ATP1A4: variants seen among roughly 807,000 people sequenced by gnomAD.
The protein encoded by ATP1A4 is sodium/potassium-transporting ATPase subunit alpha-4.
ATP1A4 carries 90 observed loss-of-function variants against 114.3 expected under a neutral mutation model. The ratio of observed to expected loss-of-function variants is 0.79; its 90% CI spans 0.66 to 0.94. ATP1A4 has a LOEUF of 0.94. ATP1A4 is among the 40% of genes least tolerant of loss of function. The pLI is 0.00. For synonymous variants in ATP1A4, 511 were observed against 494.1 expected (o/e 1.03, Z -0.45); for missense variants, 1,222 against 1,313.6 (o/e 0.93, Z 1.08).
At chr1:160,167,117 G>A (rs1042045247) in intron 9 of ATP1A4, 40 bp downstream of exon 9, 1 of 1,597,188 alleles carries the variant, frequency 6.3e-7, no homozygotes, top group Non-Finnish European at 8.6e-7. Context: ...CAGTGTCCAG[G>A]GTGTAACCTG....
At chr1:160,173,063 G>A (rs1249429580) in intron 12 of ATP1A4, among the ~76,000 whole-genome samples, 1 of 152,142 alleles carries the variant, frequency 6.6e-6, no homozygotes, top group African/African-American at 2.4e-5. Flanking sequence ...CGTGGCCTGG[G>A]TATTCATCTT....
chr1:160,171,160 A>AT (rs111647729), intron 10 of ATP1A4, 91 bp from the exon 11 acceptor site: 202,244 of 1,254,978 alleles, frequency 0.16, 17,940 homozygotes, highest in African/African-American at 0.36. Flanking sequence ...TATGAAACAC[A>AT]TTTTTTTACC....
chr1:160,164,235 G>T lies in ATP1A4; in HGVS notation c.858G>T (p.Ala286=), dbSNP rs369914363. Residue 286 remains alanine (A), a synonymous_variant, in exon 7 of 22, where the codon GCG becomes GCT. Coordinates refer to ENST00000368081, the MANE Select transcript of ATP1A4 (RefSeq NM_144699.4). ...TTGCCTCCCTGACGTCAGGCCTGGC[G>T]GTTGGCCAGACACCTATCGCTGCTG... The part of the protein sequence containing the change: ...GRIASLTSGL[A]VGQTPIAAEI... The T allele has an allele frequency of 1.2e-6, 2 of 1,614,196 alleles. No individual in the cohort carries two copies. The highest frequency in any genetic ancestry group is 1.7e-6 in the Non-Finnish European group (2 of 1,180,026).
intron 2 of ATP1A4, among the ~76,000 whole-genome samples, chr1:160,153,617 C>CA (rs1269087040): frequency 6.6e-6 from 1 of 151,998 alleles, no homozygotes; most frequent in Non-Finnish European, 1.5e-5. Flanking sequence ...TTAAAAATAA[C>CA]AAAAATAAAG....
intron 3 of ATP1A4, 141 bp from the exon 4 acceptor site, chr1:160,155,904 C>A: frequency 1.7e-6 from 1 of 596,824 alleles, no homozygotes; most frequent in South Asian, 2.1e-5. Flanking sequence ...ACCTCAGATT[C>A]TTCTCTACCC....
Position 160,156,032 on chromosome 1 carries a change from T to TC in ATP1A4, c.412-9dup. On this transcript the variant is annotated splice_polypyrimidine_tract_variant and intron_variant, in intron 3 of 21. Transcript: ENST00000368081. ...AGGTCCCACTGATAAACGCTTTCTT[T>TC]CCCCACCCTCAGCTCTACCTGAGCA... 6.4e-7 allele frequency: 1 copy of TC among 1,556,982 alleles called. No individual in the cohort carries two copies. The highest frequency in any genetic ancestry group is 8.9e-7 in the Non-Finnish European group (1 of 1,128,112).
At chr1:160,159,359 T>G in intron 5 of ATP1A4, 50 bp from the exon 6 acceptor site, 1 of 1,500,638 alleles carries the variant, frequency 6.7e-7, no homozygotes, top group Non-Finnish European at 9.1e-7. Context: ...TAAATAAATC[T>G]GCCTTTTTTC....
rs758228710 is a variant in ATP1A4, at chr1:160,177,610, C to G, written c.2682C>G (p.Leu894=). Residue 894 remains leucine, a synonymous_variant, in exon 18 of 22, where the codon CTC becomes CTG. Transcript: ENST00000368081. ...FRPVDLLGIR[L]HWEDKYLNDL... ...CTGTTGATCTGCTGGGCATCCGCCT[C>G]CACTGGGAAGATAAATACTTGAATG... is the stretch of plus-strand genomic sequence containing the variant. 15 of 1,614,148 alleles carry G rather than the reference C, an allele frequency of 9.3e-6. No individual in the cohort carries two copies. Among genetic ancestry groups the G allele is most frequent in the Non-Finnish European group, 1.3e-5 (15 of 1,180,034 alleles).
intron 18 of ATP1A4, among the ~76,000 whole-genome samples, chr1:160,178,930 T>C (rs745384462): frequency 2.0e-4 from 31 of 152,356 alleles, no homozygotes; most frequent in African/African-American, 2.4e-4. Flanking sequence ...ACAGCAATTA[T>C]TGCTAGAATT....
chr1:160,151,909 G>C lies in ATP1A4; in HGVS notation c.-132G>C. 1 of 1,004,312 alleles carries C rather than the reference G, an allele frequency of 1.0e-6. No homozygotes were observed. Among genetic ancestry groups the C allele is most frequent in the South Asian group, 2.0e-5 (1 of 50,486 alleles). 62.2% of individuals were successfully genotyped at this position (1,004,312 alleles called of 1,614,324 possible). A position where few individuals can be genotyped will look rare whatever the true frequency, so the allele number is the denominator to read the frequency against. On this transcript the variant is annotated 5_prime_UTR_variant, in exon 1 of 22. Coordinates refer to ENST00000368081, the MANE Select transcript of ATP1A4 (RefSeq NM_144699.4). The stretch of plus-strand genomic sequence containing the variant: ...CCTCCCTCCCTGCCTCTTTCTTTCT[G>C]CTCCCTCATTCTCTCCCCACCACTC...
At chr1:160,175,965 G>A (rs1653447804) in intron 15 of ATP1A4, 127 bp from the exon 16 acceptor site, 7 of 910,128 alleles carry the variant, frequency 7.7e-6, no homozygotes, top group Admixed American at 4.1e-5. Context: ...GACCCTGGAG[G>A]TCTAGGACCT....
rs1432927123 is a variant in ATP1A4, at chr1:160,177,494, T to C, written c.2591-25T>C. 3.1e-6 allele frequency: 5 copies of C among 1,612,496 alleles called. No individual in the cohort carries two copies. The South Asian group carries it at 4.4e-5, about 14-fold the overall frequency. ...GGCCCTTCTCTGAACCAGGCTCCCC[T>C]GTCCTGCAACTCTGTCATTCACAGG... is the stretch of plus-strand genomic sequence containing the variant. On this transcript the variant is annotated intron_variant, in intron 17 of 21. Transcript: ENST00000368081.
chr1:160,178,126 G>T (rs1452156036), intron 18 of ATP1A4, among the ~76,000 whole-genome samples: 1 of 152,098 alleles, frequency 6.6e-6, no homozygotes, highest in African/African-American at 2.4e-5. Context: ...GGAGGCCGAA[G>T]TGGGCGGATC....
At chr1:160,165,977 C>T (rs1014102696) in intron 7 of ATP1A4, among the ~76,000 whole-genome samples, 2 of 151,692 alleles carry the variant, frequency 1.3e-5, no homozygotes, top group South Asian at 4.2e-4. Flanking sequence ...TAAAGAAATA[C>T]ACTCTTTTTT....
intron 20 of ATP1A4, chr1:160,183,304 C>G (rs1297612100): frequency 6.6e-6 from 1 of 152,164 alleles, no homozygotes; most frequent in South Asian, 2.1e-4. Flanking sequence ...ATGGTAGATG[C>G]CTTGTTACTA....
In ATP1A4 at chr1:160,181,780, A is replaced by G. The variant is rs1273049883; in HGVS notation, c.2833A>G (p.Thr945Ala). The G allele has an allele frequency of 6.2e-7, 1 of 1,613,336 alleles. No individual in the cohort carries two copies. The highest frequency in any genetic ancestry group is 1.1e-5 in the South Asian group (1 of 91,014). ...VQWADLIISKTRRNSLFQQGM... is the reference protein window; with the variant it reads ...VQWADLIISKARRNSLFQQGM... The stretch of plus-strand genomic sequence containing the variant: ...GTGGGCGGATCTCATCATCTCCAAG[A>G]CTCGCCGCAACTCACTTTTCCAGCA... Residue 945 changes from threonine (T) to alanine (A), a missense_variant, in exon 19 of 22, where the codon ACT (threonine) becomes GCT (alanine). By Grantham distance (58) the Thr-to-Ala change is moderately conservative. Coordinates refer to ENST00000368081, the MANE Select transcript of ATP1A4 (RefSeq NM_144699.4).
chr1:160,172,383 A>G (rs1026845832), intron 12 of ATP1A4, among the ~76,000 whole-genome samples: 3 of 152,216 alleles, frequency 2.0e-5, no homozygotes, highest in Admixed American at 6.5e-5. Flanking sequence ...AGGATCTTCA[A>G]TGGGTGTGAG....
intron 18 of ATP1A4, among the ~76,000 whole-genome samples, chr1:160,181,277 G>A (rs1016011140): frequency 6.6e-6 from 1 of 152,142 alleles, no homozygotes; most frequent in Admixed American, 6.5e-5. Context: ...ACCTGGCCGG[G>A]CACAGTGAGT....
chr1:160,165,475 G>A (rs1162295318), intron 7 of ATP1A4, among the ~76,000 whole-genome samples: 2 of 152,108 alleles, frequency 1.3e-5, no homozygotes, highest in African/African-American at 2.4e-5. Flanking sequence ...TAAACTATTG[G>A]TCTGCCGGGC....
Sources: gnomAD v4.1 joint callset for allele counts (sites outside exome capture counted in the v4.1 genomes callset) on GRCh38, gnomAD v4.1.1 for gene constraint, MANE v1.5 for transcripts, NCBI Gene and HGNC (gene_info 2026-07-23, HGNC 2026-07-21) for gene names.